The following PTPA variants were observed in gnomAD, a reference collection of about 807,000 sequenced individuals.
PTPA encodes serine/threonine-protein phosphatase 2A activator.
Under a neutral mutation model 43.6 loss-of-function variants are expected in PTPA, and 13 were observed. The observed-to-expected ratio is 0.30, with a 90% CI of 0.19 to 0.47. The LOEUF (loss-of-function observed/expected upper bound fraction) is 0.47, where lower values mean the gene tolerates loss of function less well. PTPA is among the 20% of genes least tolerant of loss of function. PTPA has a pLI of 0.99. For synonymous variants in PTPA, 172 were observed against 158.2 expected (o/e 1.09, Z -0.66); for missense variants, 329 against 411.9 (o/e 0.80, Z 1.74).
intron 9 of PTPA, chr9:129,143,229 A>C (rs1413478063): frequency 4.5e-6 from 3 of 669,200 alleles, no homozygotes; most frequent in Non-Finnish European, 8.2e-6. Flanking sequence ...GAGACATTTT[A>C]TTTCTACTCT....
intron 6 of PTPA, among the ~76,000 whole-genome samples, chr9:129,135,452 G>A: frequency 6.6e-6 from 1 of 152,164 alleles, no homozygotes; most frequent in South Asian, 2.1e-4. Context: ...TGACCATATG[G>A]AGGAAGAATT....
At chr9:129,132,511 A>T (rs908363014) in intron 5 of PTPA, among the ~76,000 whole-genome samples, 4 of 151,816 alleles carry the variant, frequency 2.6e-5, no homozygotes, top group Non-Finnish European at 5.9e-5. Context: ...CAATTTATTT[A>T]TTTATTTGAG....
rs1212194226 is a variant in PTPA at position 129,148,106 on chromosome 9, CT to C, written c.*643del. The C allele has an allele frequency of 5.2e-5, 8 of 153,852 alleles. No homozygotes were observed. The highest frequency in any genetic ancestry group is 1.9e-4 in the African/African-American group (8 of 41,454). The allele number at this position is 153,852 out of a possible 1,614,324, so 9.5% of individuals were successfully genotyped here. On this transcript the variant is annotated 3_prime_UTR_variant, in exon 10 of 10. Transcript: ENST00000393370. ...AGGCCCCCTGTGTCCAAGCCTCCCC[CT>C]GGCTCTTCAGTTCTCTAGCCCTTGG... is the stretch of plus-strand genomic sequence containing the variant.
intron 8 of PTPA, among the ~76,000 whole-genome samples, chr9:129,138,846 C>T (rs1272016140): frequency 2.0e-5 from 3 of 152,212 alleles, no homozygotes; most frequent in African/African-American, 4.8e-5. Context: ...CAAATGGAGC[C>T]GGGACTGACG....
chr9:129,143,731 T>A, intron 9 of PTPA: 1 of 283,390 alleles, frequency 3.5e-6, no homozygotes, highest in Non-Finnish European at 6.9e-6. Flanking sequence ...CTCTCTAATC[T>A]GAGAGGCCTG....
In PTPA at chr9:129,135,678, A is replaced by G. The variant is rs1588518759; in HGVS notation, c.560+784A>G. Among the ~76,000 whole-genome samples, 3 of 152,386 alleles carry G rather than the reference A, an allele frequency of 2.0e-5. No homozygotes were observed. The East Asian group carries it at 5.8e-4, about 29-fold the overall frequency. On this transcript the variant is annotated intron_variant, in intron 6 of 9. Transcript: ENST00000393370. ...GCACTGATGTGGATCAGTTACCCAG[A>G]GCTCTTAAAATCCCCATTGCGGGCC...
intron 5 of PTPA, among the ~76,000 whole-genome samples, chr9:129,134,328 A>G (rs1850210127): frequency 2.6e-5 from 2 of 75,812 alleles, no homozygotes. Context: ...TTTTTTTGAG[A>G]CAGTCTCACT....
rs767738325 is a variant in PTPA, at chr9:129,123,184, T to C, written c.216+46T>C. On this transcript the variant is annotated intron_variant, in intron 3 of 9. Coordinates refer to ENST00000393370, the MANE Select transcript of PTPA (RefSeq NM_178000.3). ...CTGCAGCAGCCTTTCCAAAAATAGC[T>C]CCAGAGTCACTGGGTGCGGTGGCTC... is the stretch of plus-strand genomic sequence containing the variant. 3.2e-5 allele frequency: 48 copies of C among 1,513,746 alleles called. 1 individual carries two copies. The East Asian group carries it at 7.9e-4, about 25-fold the overall frequency. The allele number at this position is 1,513,746 out of a possible 1,614,324, so 93.8% of individuals were successfully genotyped here. A position where few individuals can be genotyped will look rare whatever the true frequency, so the allele number is the denominator to read the frequency against.
chr9:129,130,768 C>T (rs1427890434), intron 4 of PTPA, among the ~76,000 whole-genome samples: 2 of 152,196 alleles, frequency 1.3e-5, no homozygotes, highest in Non-Finnish European at 2.9e-5. Context: ...CTCATGGACT[C>T]ACCACTCATG....
At chr9:129,132,219 CTT>C (rs772778295) in intron 5 of PTPA, among the ~76,000 whole-genome samples, 258 of 152,212 alleles carry the variant, frequency 1.7e-3, no homozygotes, top group Non-Finnish European at 3.1e-3. Flanking sequence ...AATCCTAGCA[CTT>C]TTGGAGGCTG....
At chr9:129,129,828 C>T (rs572436531) in intron 4 of PTPA, among the ~76,000 whole-genome samples, 32 of 152,104 alleles carry the variant, frequency 2.1e-4, no homozygotes, top group Non-Finnish European at 4.1e-4. Flanking sequence ...TCTCAGAATT[C>T]GGGGAGGTTA....
intron 1 of PTPA, chr9:129,119,488 C>T (rs1036850378): frequency 1.3e-5 from 2 of 151,818 alleles, no homozygotes; most frequent in Non-Finnish European, 2.9e-5. Flanking sequence ...TCACCACAAG[C>T]TCCGCCTCCC....
At chr9:129,127,846 A>T in intron 3 of PTPA, 1 of 618,980 alleles carries the variant, frequency 1.6e-6, no homozygotes, top group Non-Finnish European at 2.6e-6. Flanking sequence ...TAGGTAGTGA[A>T]ACAGGTGGAA....
rs1241529078 is a variant in PTPA, at chr9:129,148,578, TGGGC to T, written c.*1115_*1118del. ...CACTCAGAATGGGCCCAGTGGGGGC[TGGGC>T]AGGCCCATTGAGGGCCACCGCCGAG... On this transcript the variant is annotated 3_prime_UTR_variant, in exon 10 of 10. Coordinates refer to ENST00000393370, the MANE Select transcript of PTPA (RefSeq NM_178000.3). 6.5e-6 allele frequency: 1 copy of T among 152,686 alleles called. No individual in the cohort carries two copies. Among genetic ancestry groups the T allele is most frequent in the Non-Finnish European group, 1.5e-5 (1 of 68,142 alleles). 9.5% of individuals were successfully genotyped at this position (152,686 alleles called of 1,614,324 possible). A position where few individuals can be genotyped will look rare whatever the true frequency, so the allele number is the denominator to read the frequency against.
intron 9 of PTPA, chr9:129,143,364 T>C (rs1030474369): frequency 4.3e-6 from 3 of 702,996 alleles, no homozygotes; most frequent in African/African-American, 3.5e-5. Flanking sequence ...GTCCCTTCTT[T>C]CTGTTCTCAG....
chr9:129,111,387 T>C, upstream of PTPA: 1 of 1,201,234 alleles, frequency 8.3e-7, no homozygotes, highest in East Asian at 3.5e-5. Flanking sequence ...CGCCGGCCGT[T>C]AATAGGCTTG....
At chr9:129,117,126 C>T (rs1848930346) in intron 1 of PTPA, among the ~76,000 whole-genome samples, 2 of 151,026 alleles carry the variant, frequency 1.3e-5, no homozygotes, top group African/African-American at 4.9e-5. Flanking sequence ...CAGCTCACTT[C>T]AGCCTCAGCC....
chr9:129,140,023 G>GGGAAGGAGCTGACA (rs1291433627), intron 8 of PTPA: 1 of 152,584 alleles, frequency 6.6e-6, no homozygotes, highest in East Asian at 1.9e-4. Flanking sequence ...TCAGCTGGAA[G>GGGAAGGAGCTGACA]GGAAGGAGCT....
chr9:129,136,630 C>CA, intron 7 of PTPA, 35 bp downstream of exon 7: 1 of 1,577,024 alleles, frequency 6.3e-7, no homozygotes, highest in South Asian at 1.2e-5. Flanking sequence ...CCTCCACCCC[C>CA]AACCAAGGCT....
Sources: allele counts gnomAD v4.1 joint callset (sites outside exome capture counted in the v4.1 genomes callset), GRCh38; gene constraint gnomAD v4.1.1; transcripts MANE v1.5; gene names NCBI Gene and HGNC (gene_info 2026-07-23, HGNC 2026-07-21).